CADM2: variants seen among roughly 807,000 people sequenced by gnomAD.
CADM2 encodes the protein cell adhesion molecule 2, also known as immunoglobulin superfamily member 4D.
Under a neutral mutation model 49.8 loss-of-function variants are expected in CADM2, and 12 were observed. That is an observed-to-expected ratio of 0.24 (90% CI 0.15 to 0.39). The LOEUF (loss-of-function observed/expected upper bound fraction) is 0.39. CADM2 is among the 10% of genes least tolerant of loss of function. The probability of loss-of-function intolerance (pLI) is 1.00; values close to 1 mark genes in which losing one functional copy is unlikely to be tolerated. For missense variants in CADM2, 378 were observed against 492.3 expected (o/e 0.77, Z 2.20); for synonymous variants, 214 against 175.4 (o/e 1.22, Z -1.74).
At chr3:86,017,787 C>T (rs1732485366) in intron 8 of CADM2, among the ~76,000 whole-genome samples, 1 of 148,900 alleles carries the variant, frequency 6.7e-6, no homozygotes, top group Admixed American at 6.7e-5. Flanking sequence ...TGCTAAATTG[C>T]AATTGGCTTA....
chr3:85,955,915 T>G (rs1298687622), intron 7 of CADM2, among the ~76,000 whole-genome samples: 1 of 151,702 alleles, frequency 6.6e-6, no homozygotes, highest in Non-Finnish European at 1.5e-5. Flanking sequence ...CTCTTTTTAC[T>G]TTTAACTTTT....
intron 1 of CADM2, among the ~76,000 whole-genome samples, chr3:85,296,245 A>G (rs1340953498): frequency 1.3e-5 from 2 of 152,094 alleles, no homozygotes; most frequent in Non-Finnish European, 2.9e-5. Context: ...TTCATGAGGT[A>G]TAAAGTACAG....
chr3:85,661,585 G>A (rs1474435345), intron 1 of CADM2, among the ~76,000 whole-genome samples: 1 of 151,942 alleles, frequency 6.6e-6, no homozygotes, highest in Non-Finnish European at 1.5e-5. Context: ...AAATGTCCAT[G>A]TCTTTACCTA....
chr3:86,024,950 C>T (rs1480673806), intron 8 of CADM2, among the ~76,000 whole-genome samples: 4 of 151,950 alleles, frequency 2.6e-5, no homozygotes, highest in Admixed American at 2.6e-4. Context: ...GCAATCTTGG[C>T]TCATTGCACC....
At chr3:86,020,332 G>C (rs1159881851) in intron 8 of CADM2, among the ~76,000 whole-genome samples, 1 of 151,754 alleles carries the variant, frequency 6.6e-6, no homozygotes, top group East Asian at 1.9e-4. Context: ...AGCTGAAATT[G>C]TGGCAATAAT....
chr3:85,144,728 AAGG>A (rs1179086774), intron 1 of CADM2, among the ~76,000 whole-genome samples: 1 of 152,204 alleles, frequency 6.6e-6, no homozygotes, highest in Non-Finnish European at 1.5e-5. Context: ...TTTGCTTGAA[AAGG>A]AGTTCAAGAT....
chr3:85,075,194 TA>T (rs1382036151), intron 1 of CADM2, among the ~76,000 whole-genome samples: 2 of 151,892 alleles, frequency 1.3e-5, no homozygotes, highest in African/African-American at 4.8e-5. Flanking sequence ...AAAATGTACC[TA>T]ATTTAGTGAT....
At chr3:85,744,254 T>C (rs954343247) in intron 2 of CADM2, among the ~76,000 whole-genome samples, 12 of 152,040 alleles carry the variant, frequency 7.9e-5, no homozygotes, top group Non-Finnish European at 1.8e-4. Flanking sequence ...GACTAATGGG[T>C]ACAAATAAAT....
intron 1 of CADM2, among the ~76,000 whole-genome samples, chr3:84,999,854 G>A (rs1056107168): frequency 6.6e-6 from 1 of 152,034 alleles, no homozygotes; most frequent in Non-Finnish European, 1.5e-5. Flanking sequence ...ATTTTGAAAC[G>A]TGTTTGTATA....
chr3:85,146,830 A>G (rs2039758630), intron 1 of CADM2, among the ~76,000 whole-genome samples: 1 of 152,172 alleles, frequency 6.6e-6, no homozygotes, highest in African/African-American at 2.4e-5. Flanking sequence ...TTCAAACTTT[A>G]CATTTGCATG....
chr3:85,813,117 A>G (rs1488166250), intron 3 of CADM2, among the ~76,000 whole-genome samples: 1 of 152,182 alleles, frequency 6.6e-6, no homozygotes, highest in African/African-American at 2.4e-5. Flanking sequence ...TCCTTGAGGA[A>G]TCACCACACT....
At chr3:85,958,274 G>A (rs1378166153) in intron 7 of CADM2, among the ~76,000 whole-genome samples, 6 of 151,820 alleles carry the variant, frequency 4.0e-5, no homozygotes, top group Admixed American at 1.3e-4. Context: ...TCAGAATGGC[G>A]ATTATTAAAA....
At chr3:85,851,835 A>AT (rs1160513665) in intron 3 of CADM2, among the ~76,000 whole-genome samples, 1 of 151,942 alleles carries the variant, frequency 6.6e-6, no homozygotes, top group Non-Finnish European at 1.5e-5. Flanking sequence ...GACACCAAAG[A>AT]TTTTCATCTT....
chr3:85,359,666 A>ATATATATATTTTTT, intron 1 of CADM2, among the ~76,000 whole-genome samples: 18 of 26,544 alleles, frequency 6.8e-4, no homozygotes, highest in East Asian at 4.0e-3. Context: ...ATATATATAT[A>ATATATATATTTTTT]TTTTTTTTTT....
At chr3:84,965,714 G>C (rs906570278) in intron 1 of CADM2, among the ~76,000 whole-genome samples, 36 of 152,142 alleles carry the variant, frequency 2.4e-4, no homozygotes, top group African/African-American at 8.2e-4. Context: ...CTGTTATCCA[G>C]TTCTTCCTTC....
intron 1 of CADM2, among the ~76,000 whole-genome samples, chr3:85,219,655 G>C (rs964055722): frequency 2.0e-5 from 3 of 152,024 alleles, no homozygotes; most frequent in African/African-American, 7.3e-5. Context: ...GAATAAAATT[G>C]GTTATATGCT....
chr3:84,995,765 T>A (rs1029151690), intron 1 of CADM2, among the ~76,000 whole-genome samples: 1 of 152,228 alleles, frequency 6.6e-6, no homozygotes, highest in African/African-American at 2.4e-5. Context: ...TTCCTCTAGC[T>A]TATTGTTTCC....
At chr3:85,935,168 A>G (rs1031081236) in intron 6 of CADM2, among the ~76,000 whole-genome samples, 3 of 152,156 alleles carry the variant, frequency 2.0e-5, no homozygotes, top group Non-Finnish European at 4.4e-5. Context: ...GCAGTAGCAC[A>G]TATAACAAAT....
chr3:85,160,462 T>G (rs1448022056), intron 1 of CADM2, among the ~76,000 whole-genome samples: 1 of 152,146 alleles, frequency 6.6e-6, no homozygotes, highest in African/African-American at 2.4e-5. Flanking sequence ...ACACACTCAG[T>G]CCCAAACACA....
Sources: allele counts gnomAD v4.1 joint callset (sites outside exome capture counted in the v4.1 genomes callset), GRCh38; gene constraint gnomAD v4.1.1; transcripts MANE v1.5; gene names NCBI Gene and HGNC (gene_info 2026-07-23, HGNC 2026-07-21).